CEP72: variants seen among roughly 807,000 people sequenced by gnomAD.
CEP72 encodes centrosomal protein of 72 kDa.
CEP72 carries 78 observed loss-of-function variants against 65.7 expected under a neutral mutation model. The observed-to-expected ratio is 1.19, with a 90% confidence interval of 0.99 to 1.43. The LOEUF is 1.43. CEP72 is among the 40% of genes most tolerant of loss of function. CEP72 has a pLI of 0.00. For synonymous variants in CEP72, 358 were observed against 351.7 expected, an observed-to-expected ratio of 1.02 and a Z score of -0.20; for missense variants, 914 against 832.9, an observed-to-expected ratio of 1.10 and a Z score of -1.20.
downstream of CEP72, among the ~76,000 whole-genome samples, chr5:672,118 T>G (rs1426015688): frequency 1.3e-5 from 2 of 152,218 alleles, no homozygotes; most frequent in East Asian, 3.8e-4. Context: ...TTGGGTTGGC[T>G]TCCGTACTGG....
At chr5:668,942 C>T (rs1397680342), downstream of CEP72, among the ~76,000 whole-genome samples, 5 of 152,192 alleles carry the variant, frequency 3.3e-5, no homozygotes, top group Non-Finnish European at 5.9e-5. Flanking sequence ...TTCCCAGACC[C>T]CAAGGCGGAT....
chr5:670,605 C>T (rs889533099), downstream of CEP72, among the ~76,000 whole-genome samples: 1 of 152,090 alleles, frequency 6.6e-6, no homozygotes, highest in Non-Finnish European at 1.5e-5. Context: ...GGTAGGGACG[C>T]GGCCTTAGGG....
At position 665,342 on chromosome 5, in the gene CEP72, G is replaced by T. The variant is rs2126864138; in HGVS notation, n.433+17G>T. 1.9e-6 allele frequency: 3 copies of T among 1,560,056 alleles called. No individual in the cohort carries two copies. In the South Asian group the frequency reaches 3.5e-5, roughly 18 times the overall value. On this transcript the variant is annotated intron_variant and non_coding_transcript_variant, in intron 3 of 4. Transcript: ENST00000514507. ...AGGGGGCAGGTGAGTTGCGAGCCAG[G>T]TGAGGCCAGCAAGTGAAATGGCTGT...
chr5:638,343 G>A (rs1230148637), intron 7 of CEP72, among the ~76,000 whole-genome samples: 1 of 152,182 alleles, frequency 6.6e-6, no homozygotes, highest in Non-Finnish European at 1.5e-5. Context: ...AGAGGTCAGG[G>A]GGACAACTGG....
At chr5:616,563 C>T (rs1736001019) in intron 1 of CEP72, among the ~76,000 whole-genome samples, 1 of 152,146 alleles carries the variant, frequency 6.6e-6, no homozygotes, top group African/African-American at 2.4e-5. Flanking sequence ...TGTCATGAGA[C>T]TCTGCTTCCT....
chr5:628,481 T>TCGCAGTCCCCGGGGAG (rs1736913252), intron 4 of CEP72, among the ~76,000 whole-genome samples: 1 of 150,622 alleles, frequency 6.6e-6, no homozygotes, highest in East Asian at 2.0e-4. Context: ...AGAACTCAGG[T>TCGCAGTCCCCGGGGAG]TGCCGTCCCT....
chr5:632,867 G>T (rs1233889842), intron 4 of CEP72, among the ~76,000 whole-genome samples: 110 of 94,198 alleles, frequency 1.2e-3, no homozygotes, highest in Non-Finnish European at 1.9e-3. Context: ...GTCCTGGTGG[G>T]GTTCTGTCCA....
Position 612,375 on chromosome 5 carries a change from GC to G in CEP72, c.17del (p.Pro6LeufsTer5). On this transcript the variant is annotated frameshift_variant, in exon 1 of 12. Transcript: ENST00000264935. LOFTEE classifies it high-confidence loss of function. The stretch of plus-strand genomic sequence containing the variant: ...TCCGTTTGAAACATGGCGCGGGCTG[GC>G]CCTCGGCTGGTGCTGAGCGAGGAGG... MARAGPRLVLSEEAV... is the reference protein window; with the variant it reads MARAXPRLVLSEEAV... 6.7e-7 allele frequency: 1 copy of G among 1,491,172 alleles called. No individual in the cohort carries two copies. 92.4% of individuals were successfully genotyped at this position (1,491,172 alleles called of 1,614,324 possible).
chr5:634,037 T>G (rs1018085294), intron 5 of CEP72, 90 bp downstream of exon 5: 28 of 1,247,256 alleles, frequency 2.2e-5, no homozygotes, highest in Non-Finnish European at 3.1e-5. Flanking sequence ...CAGTTGCTCT[T>G]TTTGTGGAAC....
At chr5:634,085 T>C (rs1737421383) in intron 5 of CEP72, 138 bp downstream of exon 5, 3 of 752,750 alleles carry the variant, frequency 4.0e-6, no homozygotes, top group Admixed American at 2.9e-5. Context: ...TGTGTCTTTG[T>C]GTGCTTTCGA....
intron 1 of CEP72, among the ~76,000 whole-genome samples, chr5:618,378 G>T (rs1736131975): frequency 6.6e-6 from 1 of 151,830 alleles, no homozygotes; most frequent in Admixed American, 6.6e-5. Flanking sequence ...ACAGAAATGT[G>T]TAAGAGGGAA....
chr5:643,783 C>T (rs527707088), intron 9 of CEP72: 65 of 410,024 alleles, frequency 1.6e-4, no homozygotes, highest in African/African-American at 1.3e-3. Context: ...TAGCTGCAGG[C>T]GTGGCCCTTT....
intron 3 of CEP72, among the ~76,000 whole-genome samples, chr5:622,716 T>A (rs1293205091): frequency 6.6e-6 from 1 of 152,212 alleles, no homozygotes; most frequent in Non-Finnish European, 1.5e-5. Context: ...TGCCTGACAC[T>A]CTTCCCCCTG....
chr5:627,893 A>G (rs535413868), intron 4 of CEP72, among the ~76,000 whole-genome samples: 21 of 152,350 alleles, frequency 1.4e-4, no homozygotes, highest in African/African-American at 4.8e-4. Flanking sequence ...AAAGAAAGGG[A>G]GTAAAAGTCT....
rs1046384501 is a variant in CEP72 at position 639,202 on chromosome 5, G to A, written c.1320G>A (p.Leu440=). The change falls in exon 8 of 12, where the codon CTG becomes CTA. Residue 440 remains leucine, a synonymous_variant. Transcript: ENST00000264935. The part of the protein sequence containing the change: ...VDRSWGGCRS[L]HSNEAFLAQA... ...GGAGCTGGGGCGGCTGCAGGTCCCT[G>A]CACAGCAACGAGGCATTCCTTGGTG... is the stretch of plus-strand genomic sequence containing the variant. The A allele has an allele frequency of 6.3e-7, 1 of 1,591,168 alleles. No homozygotes were observed. Among genetic ancestry groups the A allele is most frequent in the East Asian group, 2.3e-5 (1 of 44,300 alleles).
chr5:613,653 C>T (rs111373752), intron 1 of CEP72, among the ~76,000 whole-genome samples: 1 of 152,190 alleles, frequency 6.6e-6, no homozygotes, highest in Non-Finnish European at 1.5e-5. Flanking sequence ...AGGCATGAGC[C>T]ACCTACACCC....
At position 635,557 on chromosome 5, in the gene CEP72, CCA is replaced by C. The variant is rs2126781959; in HGVS notation, c.883_884del (p.Thr295ValfsTer90). On this transcript the variant is annotated frameshift_variant, in exon 6 of 12. Coordinates refer to ENST00000264935, the MANE Select transcript of CEP72 (RefSeq NM_018140.4). LOFTEE classifies it high-confidence loss of function. ...AEPEASRAPR[P>X]HTYFTPHPDS... ...GCCAGAGGCCTCCCGTGCCCCCAGGCCACACACGTACTTCACCCCACACCCAG... is the reference window on the plus strand; with the variant it reads ...GCCAGAGGCCTCCCGTGCCCCCAGGCCACACGTACTTCACCCCACACCCAG... 1 of 1,613,642 alleles carries C rather than the reference CCA, an allele frequency of 6.2e-7. No individual in the cohort carries two copies. Among genetic ancestry groups the C allele is most frequent in the South Asian group, 1.1e-5 (1 of 91,064 alleles).
At chr5:618,751 G>A (rs1428280369) in intron 1 of CEP72, among the ~76,000 whole-genome samples, 1 of 152,148 alleles carries the variant, frequency 6.6e-6, no homozygotes, top group East Asian at 1.9e-4. Context: ...CACCACCTAT[G>A]GGATCTGGGG....
At chr5:621,574 C>A (rs957434320) in intron 3 of CEP72, among the ~76,000 whole-genome samples, 24 of 152,322 alleles carry the variant, frequency 1.6e-4, no homozygotes, top group African/African-American at 5.5e-4. Context: ...CCATGAAGTT[C>A]GTGTGACGTC....
Sources: gnomAD v4.1 joint callset for allele counts (sites outside exome capture counted in the v4.1 genomes callset) on GRCh38, gnomAD v4.1.1 for gene constraint, MANE v1.5 for transcripts, NCBI Gene and HGNC (gene_info 2026-07-23, HGNC 2026-07-21) for gene names.